The following NLRC4 variants were observed in gnomAD, a reference collection of about 807,000 sequenced individuals.
The protein encoded by NLRC4 is NLR family CARD domain containing 4.
In NLRC4, 63 loss-of-function variants were observed where a neutral mutation model predicts 79.9. That is an observed-to-expected ratio of 0.79 (90% CI 0.64 to 0.97). The LOEUF (loss-of-function observed/expected upper bound fraction) is 0.97. NLRC4 is among the 50% of genes least tolerant of loss of function. The probability of loss-of-function intolerance (pLI) is 0.00; values close to 1 mark genes in which losing one functional copy is unlikely to be tolerated. For synonymous variants in NLRC4, 461 were observed against 456.5 expected (o/e 1.01, Z -0.12); for missense variants, 1,074 against 1,215.2 (o/e 0.88, Z 1.73).
At chr2:32,239,016 C>T (rs1481453260) in intron 5 of NLRC4, among the ~76,000 whole-genome samples, 2 of 152,108 alleles carry the variant, frequency 1.3e-5, no homozygotes, top group Non-Finnish European at 2.9e-5. Flanking sequence ...CATGGTGGCT[C>T]ACACCTGTAA....
chr2:32,245,020 G>C (rs1686898943), intron 4 of NLRC4, among the ~76,000 whole-genome samples: 1 of 151,778 alleles, frequency 6.6e-6, no homozygotes, highest in East Asian at 1.9e-4. Flanking sequence ...GTAGAAAATG[G>C]GATTATAGAC....
intron 8 of NLRC4, among the ~76,000 whole-genome samples, chr2:32,227,472 C>T (rs1490755928): frequency 2.0e-5 from 3 of 152,172 alleles, no homozygotes; most frequent in Non-Finnish European, 4.4e-5. Context: ...CCATATGCTT[C>T]CCAGCATGGC....
chr2:32,248,277 C>G (rs1686985331), intron 4 of NLRC4, among the ~76,000 whole-genome samples: 1 of 152,196 alleles, frequency 6.6e-6, no homozygotes, highest in African/African-American at 2.4e-5. Context: ...TGCATCCCCT[C>G]TGGGCTAAGG....
At chr2:32,236,030 C>T (rs1254105465) in intron 7 of NLRC4, among the ~76,000 whole-genome samples, 2 of 152,120 alleles carry the variant, frequency 1.3e-5, no homozygotes, top group Non-Finnish European at 2.9e-5. Flanking sequence ...TGGGATACCG[C>T]CTCAAAGTGC....
intron 6 of NLRC4, among the ~76,000 whole-genome samples, chr2:32,236,655 T>C (rs1482879657): frequency 6.6e-6 from 1 of 152,166 alleles, no homozygotes; most frequent in African/African-American, 2.4e-5. Flanking sequence ...TCTCTAAGCC[T>C]CAATGTCTTC....
At chr2:32,233,654 G>C (rs901815532) in intron 8 of NLRC4, among the ~76,000 whole-genome samples, 55 of 152,068 alleles carry the variant, frequency 3.6e-4, no homozygotes, top group Non-Finnish European at 4.9e-4. Context: ...GAAGATACTT[G>C]AATCAGATTT....
At chr2:32,232,973 C>T (rs952299223) in intron 8 of NLRC4, among the ~76,000 whole-genome samples, 6 of 151,766 alleles carry the variant, frequency 4.0e-5, no homozygotes, top group Admixed American at 2.6e-4. Context: ...GGTCCATTAG[C>T]GGAGCATAGT....
chr2:32,241,171 T>C, intron 4 of NLRC4, 46 bp from the exon 5 acceptor site: 1 of 1,146,692 alleles, frequency 8.7e-7, no homozygotes, highest in Non-Finnish European at 1.3e-6. Flanking sequence ...ATATTTGCTA[T>C]TTACTATGTC....
In NLRC4 at chr2:32,245,240, G is replaced by C. The variant is rs1558453894; in HGVS notation, c.2258-4115C>G. Among the ~76,000 whole-genome samples, 3 of 144,248 alleles carry C rather than the reference G, an allele frequency of 2.1e-5. No individual in the cohort carries two copies. In the South Asian group the frequency reaches 6.5e-4, roughly 31 times the overall value. The allele number at this position is 144,248 out of a possible 152,430, so 94.6% of individuals were successfully genotyped here. A position where few individuals can be genotyped will look rare whatever the true frequency, so the allele number is the denominator to read the frequency against. ...GTAAGAGAATCACTTGAACCTGGGAGGCAGAGGTTGCAGTAAGCCGAGATC... is the reference window on the plus strand; with the variant it reads ...GTAAGAGAATCACTTGAACCTGGGACGCAGAGGTTGCAGTAAGCCGAGATC... On this transcript the variant is annotated intron_variant, in intron 4 of 8. Coordinates refer to ENST00000402280, the MANE Select transcript of NLRC4 (RefSeq NM_001199138.2).
At chr2:32,231,585 T>A (rs866114846) in intron 8 of NLRC4, among the ~76,000 whole-genome samples, 1 of 38,290 alleles carries the variant, frequency 2.6e-5, no homozygotes, top group African/African-American at 1.0e-4. Flanking sequence ...GGGGGGGGGG[T>A]GGGGGACTGG....
At chr2:32,245,937 C>A (rs212729) in intron 4 of NLRC4, among the ~76,000 whole-genome samples, 152,325 of 152,326 alleles carry the variant, frequency 1, 76,162 homozygotes, top group Non-Finnish European at 1. Context: ...TAATCCCAGC[C>A]CTTTGGGAGG....
chr2:32,230,987 C>G (rs1558445813), intron 8 of NLRC4, among the ~76,000 whole-genome samples: 1 of 152,106 alleles, frequency 6.6e-6, no homozygotes, highest in Non-Finnish European at 1.5e-5. Context: ...GGTGGTATCT[C>G]ATTGTAGTTT....
Position 32,258,269 on chromosome 2 carries a change from G to GA in NLRC4, c.-118-1377dup, listed in dbSNP as rs1349943393. 2.6e-5 allele frequency among the ~76,000 whole-genome samples: 4 copies of GA among 152,260 alleles called. No individual in the cohort carries two copies. The East Asian group carries it at 5.8e-4, about 22-fold the overall frequency. Reference sequence around the variant, plus strand: ...AGCATTCTCCCTTCAACGTCCTCTGGACGTCCAGCTGCTTGTATGTTCTTC... The same window carrying GA: ...AGCATTCTCCCTTCAACGTCCTCTGGAACGTCCAGCTGCTTGTATGTTCTTC... On this transcript the variant is annotated intron_variant, in intron 1 of 8. Transcript: ENST00000402280.
intron 4 of NLRC4, 38 bp from the exon 5 acceptor site, chr2:32,241,163 A>G: frequency 8.1e-7 from 1 of 1,229,708 alleles, no homozygotes; most frequent in Non-Finnish European, 1.2e-6. Context: ...TTCAGCAGAT[A>G]TTTGCTATTT....
chr2:32,230,469 C>CTT (rs1207120518), intron 8 of NLRC4, among the ~76,000 whole-genome samples: 2 of 131,656 alleles, frequency 1.5e-5, no homozygotes, highest in Non-Finnish European at 3.3e-5. Context: ...CCAGCCCCCG[C>CTT]TATTTTTTTT....
intron 8 of NLRC4, among the ~76,000 whole-genome samples, chr2:32,234,380 TA>T (rs528017051): frequency 1.6e-4 from 23 of 145,048 alleles, no homozygotes; most frequent in Non-Finnish European, 2.3e-4. Context: ...AGACTCTGTC[TA>T]AAAAAAAAAC....
At chr2:32,229,943 A>G (rs72796894) in intron 8 of NLRC4, among the ~76,000 whole-genome samples, 6,992 of 152,246 alleles carry the variant, frequency 0.046, 270 homozygotes, top group Admixed American at 0.12. Flanking sequence ...TTTTACCTTG[A>G]AGGAGAGGAG....
chr2:32,256,525 G>A (rs753906729), intron 2 of NLRC4, among the ~76,000 whole-genome samples: 23 of 152,154 alleles, frequency 1.5e-4, no homozygotes, highest in Non-Finnish European at 2.6e-4. Flanking sequence ...GGCTGAACAG[G>A]TGATGAGAAC....
In NLRC4 at chr2:32,224,486, A is replaced by T. The variant is rs200098511; in HGVS notation, c.3062T>A (p.Leu1021Gln). 15 of 1,601,838 alleles carry T rather than the reference A, an allele frequency of 9.4e-6. No homozygotes were observed. The Admixed American group carries it at 2.3e-4, about 24-fold the overall frequency. Residue 1021 changes from leucine (L) to glutamine (Q), a missense_variant, in exon 9 of 9, where the codon CTA (leucine) becomes CAA (glutamine). Coordinates refer to ENST00000402280, the MANE Select transcript of NLRC4 (RefSeq NM_001199138.2). ...AGTACACTTTATTTAAGCAGTTACT[A>T]GTTTAAAAGCACCTGTAATAACACT... ...DLSVITGAFK[L>Q]VTA is the part of the protein sequence containing the mutation.
Sources: allele counts gnomAD v4.1 joint callset (sites outside exome capture counted in the v4.1 genomes callset), GRCh38; gene constraint gnomAD v4.1.1; transcripts MANE v1.5; gene names NCBI Gene and HGNC (gene_info 2026-07-23, HGNC 2026-07-21).